MTUS2: variants seen among roughly 807,000 people sequenced by gnomAD.
MTUS2 encodes microtubule-associated tumor suppressor candidate 2.
A neutral mutation model predicts 114.1 loss-of-function variants in MTUS2; 40 were observed. The ratio of observed to expected loss-of-function variants is 0.35; its 90% CI spans 0.27 to 0.46. MTUS2 has a LOEUF of 0.46. Among genes scored for constraint, MTUS2 ranks in the 20% least tolerant of loss-of-function variants. MTUS2 has a pLI of 1.00. For synonymous variants in MTUS2, 688 were observed against 672.0 expected (o/e 1.02, Z -0.37); for missense variants, 1,679 against 1,705.4 (o/e 0.98, Z 0.27).
At chr13:29,079,137 G>C (rs1382521521) in intron 4 of MTUS2, among the ~76,000 whole-genome samples, 1 of 152,102 alleles carries the variant, frequency 6.6e-6, no homozygotes, top group East Asian at 1.9e-4. Flanking sequence ...CATGGTATCT[G>C]ATTATGGCAT....
At chr13:29,433,698 C>A (rs1877183565) in intron 8 of MTUS2, among the ~76,000 whole-genome samples, 1 of 152,154 alleles carries the variant, frequency 6.6e-6, no homozygotes, top group Admixed American at 6.5e-5. Context: ...TGTTTCCTTG[C>A]AGCTGGTTCA....
chr13:29,363,479 A>G (rs541326403), intron 8 of MTUS2, among the ~76,000 whole-genome samples: 7 of 152,328 alleles, frequency 4.6e-5, no homozygotes, highest in African/African-American at 1.7e-4. Flanking sequence ...TAAAAAATTA[A>G]TAATTCACCA....
chr13:29,024,351 T>A (rs1886414471), intron 2 of MTUS2, 106 bp from the exon 3 acceptor site: 1 of 250,110 alleles, frequency 4.0e-6, no homozygotes, highest in Non-Finnish European at 7.6e-6. Context: ...ATTGATTGAA[T>A]GAAATAATAA....
At chr13:29,206,127 A>G (rs947130691) in intron 5 of MTUS2, among the ~76,000 whole-genome samples, 5 of 152,104 alleles carry the variant, frequency 3.3e-5, no homozygotes, top group South Asian at 2.1e-4. Flanking sequence ...GTGGTATTGC[A>G]TTATGGTTTT....
At chr13:29,031,437 C>T (rs1334805772) in intron 3 of MTUS2, among the ~76,000 whole-genome samples, 2 of 151,656 alleles carry the variant, frequency 1.3e-5, no homozygotes, top group Admixed American at 1.3e-4. Context: ...GATTGATTGA[C>T]TGATTGATTT....
In MTUS2 at chr13:28,834,963, A is replaced by G. The variant is rs369423079; in HGVS notation, c.-315-4815A>G. ...CTACATTAGTCATTAGGGAAATGCA[A>G]ATTAAAACCACAATAATGTATCACT... On this transcript the variant is annotated intron_variant, in intron 1 of 15. Coordinates refer to ENST00000612955, the MANE Select transcript of MTUS2 (RefSeq NM_001033602.4). Among the ~76,000 whole-genome samples, 4 of 152,230 alleles carry G rather than the reference A, an allele frequency of 2.6e-5. No homozygotes were observed. In the East Asian group the frequency reaches 7.7e-4, roughly 29 times the overall value.
At chr13:29,274,380 G>A (rs745866030) in intron 5 of MTUS2, among the ~76,000 whole-genome samples, 1 of 152,152 alleles carries the variant, frequency 6.6e-6, no homozygotes, top group Non-Finnish European at 1.5e-5. Flanking sequence ...AAAGTGCTGG[G>A]ATTAGAGGTG....
chr13:28,836,239 C>G (rs1166348908), intron 1 of MTUS2, among the ~76,000 whole-genome samples: 1 of 152,060 alleles, frequency 6.6e-6, no homozygotes, highest in African/African-American at 2.4e-5. Context: ...TAAAGTATTT[C>G]ATACTTACAG....
chr13:28,911,130 C>T (rs555663567), intron 2 of MTUS2, among the ~76,000 whole-genome samples: 1 of 150,100 alleles, frequency 6.7e-6, no homozygotes, highest in South Asian at 2.1e-4. Flanking sequence ...CCACCTTGGC[C>T]TCCCAAAGTG....
intron 5 of MTUS2, among the ~76,000 whole-genome samples, chr13:29,161,196 A>G (rs1315260837): frequency 1.3e-5 from 2 of 152,254 alleles, no homozygotes; most frequent in Admixed American, 6.5e-5. Flanking sequence ...AGGTAAAAAC[A>G]GGGAAATTAA....
intron 1 of MTUS2, among the ~76,000 whole-genome samples, chr13:28,832,832 TTACC>T (rs1331610370): frequency 1.3e-5 from 2 of 151,670 alleles, no homozygotes; most frequent in African/African-American, 2.4e-5. Flanking sequence ...TTACAAATCT[TTACC>T]TAACTGACTA....
chr13:29,281,653 T>C, intron 5 of MTUS2, 51 bp from the exon 6 acceptor site: 1 of 1,526,064 alleles, frequency 6.6e-7, no homozygotes, highest in Non-Finnish European at 8.9e-7. Context: ...TGGTGAGGGC[T>C]CCATCCATTT....
In MTUS2 at chr13:29,336,235, AT is replaced by A. The variant is rs1484675284; in HGVS notation, c.2905+11528del. On this transcript the variant is annotated intron_variant, in intron 7 of 15. Coordinates refer to ENST00000612955, the MANE Select transcript of MTUS2 (RefSeq NM_001033602.4). ...GAGAAAAGGCATTCTGGTTTTTGGAATTTTCAGCCTTTTTGTGCTAGTTTTT... is the reference window on the plus strand; with the variant it reads ...GAGAAAAGGCATTCTGGTTTTTGGAATTTCAGCCTTTTTGTGCTAGTTTTT... Among the ~76,000 whole-genome samples the A allele has an allele frequency of 5.9e-5, 9 of 152,078 alleles. No homozygotes were observed. The East Asian group carries it at 1.7e-3, about 29-fold the overall frequency.
At chr13:29,307,655 C>A in intron 6 of MTUS2, 2 of 1,135,512 alleles carry the variant, frequency 1.8e-6, no homozygotes, top group Non-Finnish European at 1.3e-6. Context: ...ACCCACTCTT[C>A]CACCTTCGAC....
At position 29,389,567 on chromosome 13, in the gene MTUS2, GTACATATGTGTGTATACGTA is replaced by G. The variant is rs1209734042; in HGVS notation, c.3117+30131_3117+30150del. On this transcript the variant is annotated intron_variant, in intron 8 of 15. Transcript: ENST00000612955. ...TATATGTATACACGTGTGTATATGT[GTACATATGTGTGTATACGTA>G]TACATATGTGTGTATACGTATACAT... Among the ~76,000 whole-genome samples, 6 of 49,482 alleles carry G rather than the reference GTACATATGTGTGTATACGTA, an allele frequency of 1.2e-4. 2 individuals are homozygous for G. Among genetic ancestry groups the G allele is most frequent in the African/African-American group, 4.2e-4 (6 of 14,326 alleles). The allele number at this position is 49,482 out of a possible 152,430, so 32.5% of individuals were successfully genotyped here.
At chr13:29,464,275 G>T (rs1879733817) in intron 9 of MTUS2, among the ~76,000 whole-genome samples, 1 of 152,256 alleles carries the variant, frequency 6.6e-6, no homozygotes, top group African/African-American at 2.4e-5. Flanking sequence ...CGGAAGCCTG[G>T]AAGCAAATTC....
chr13:29,355,369 G>A (rs564517042), intron 7 of MTUS2, among the ~76,000 whole-genome samples: 6 of 149,064 alleles, frequency 4.0e-5, no homozygotes, highest in African/African-American at 1.6e-4. Context: ...TATGTAGCCA[G>A]TAGGACCAGC....
intron 4 of MTUS2, among the ~76,000 whole-genome samples, chr13:29,061,476 G>C (rs1333544108): frequency 1.3e-5 from 2 of 152,126 alleles, no homozygotes; most frequent in Non-Finnish European, 2.9e-5. Flanking sequence ...GTTAAATTAT[G>C]CATGCAGATT....
intron 2 of MTUS2, among the ~76,000 whole-genome samples, chr13:28,994,745 G>T (rs1566277536): frequency 6.6e-6 from 1 of 152,046 alleles, no homozygotes; most frequent in Non-Finnish European, 1.5e-5. Context: ...TTTTGATGGG[G>T]TTGTTTGTTT....
Sources: allele counts gnomAD v4.1 joint callset (sites outside exome capture counted in the v4.1 genomes callset), GRCh38; gene constraint gnomAD v4.1.1; transcripts MANE v1.5; gene names NCBI Gene and HGNC (gene_info 2026-07-23, HGNC 2026-07-21).